The following ADGB variants were observed in gnomAD, a reference collection of about 807,000 sequenced individuals.
ADGB encodes androglobin, also known as calpain-7-like protein.
In ADGB, 172 loss-of-function variants were observed where a neutral mutation model predicts 210.5. That is an observed-to-expected ratio of 0.82 (90% CI 0.72 to 0.93). The LOEUF is 0.93. ADGB is among the 40% of genes least tolerant of loss of function. The pLI is 0.00. For missense variants in ADGB, 2,025 were observed against 1,964.8 expected (o/e 1.03, Z -0.58); for synonymous variants, 658 against 662.7 (o/e 0.99, Z 0.11).
rs148211496 is a variant in ADGB at position 146,737,176 on chromosome 6, T to C, written c.2888+585T>C. On this transcript the variant is annotated intron_variant, in intron 23 of 35. Coordinates refer to ENST00000397944, the MANE Select transcript of ADGB (RefSeq NM_024694.4). ...AAAAAACCTCTAAACATGACTGTTA[T>C]GAAAATGAGCAAGAAAATAAATAAT... 7.4e-3 allele frequency among the ~76,000 whole-genome samples: 1,120 copies of C among 151,672 alleles called. 18 individuals carry two copies. Among genetic ancestry groups the C allele is most frequent in the African/African-American group, 0.026 (1,085 of 41,418 alleles).
At chr6:146,808,816 T>C (rs1427764494) in intron 35 of ADGB, among the ~76,000 whole-genome samples, 1 of 152,086 alleles carries the variant, frequency 6.6e-6, no homozygotes, top group Non-Finnish European at 1.5e-5. Context: ...ATTTTTTTTT[T>C]GAGATGGAGT....
At chr6:146,677,794 A>G (rs867267595) in intron 9 of ADGB, among the ~76,000 whole-genome samples, 5 of 152,192 alleles carry the variant, frequency 3.3e-5, no homozygotes, top group Non-Finnish European at 5.9e-5. Flanking sequence ...GTGTATAAGT[A>G]TCAGGCAAGT....
intron 5 of ADGB, among the ~76,000 whole-genome samples, chr6:146,659,009 G>A (rs1444236212): frequency 2.6e-5 from 4 of 152,168 alleles, no homozygotes; most frequent in African/African-American, 9.7e-5. Context: ...TAGGCTTAGG[G>A]CAGAAATTTT....
At chr6:146,690,739 G>T (rs148939447) in intron 10 of ADGB, among the ~76,000 whole-genome samples, 7 of 152,228 alleles carry the variant, frequency 4.6e-5, no homozygotes, top group Admixed American at 2.0e-4. Context: ...AGGTAGCAAT[G>T]GCTAGTTTTT....
Position 146,667,785 on chromosome 6 carries a change from C to T in ADGB, c.839+883C>T, listed in dbSNP as rs7765010. Among the ~76,000 whole-genome samples the T allele has an allele frequency of 5.3e-3, 806 of 152,094 alleles. 5 individuals are homozygous for T. The highest frequency in any genetic ancestry group is 0.018 in the African/African-American group (752 of 41,512). On this transcript the variant is annotated intron_variant, in intron 7 of 35. Coordinates refer to ENST00000397944, the MANE Select transcript of ADGB (RefSeq NM_024694.4). ...TCATAAGAAGACAACTATTATGCAT[C>T]AAGTATTTTAGTATATTACTTCTCG...
intron 7 of ADGB, among the ~76,000 whole-genome samples, chr6:146,667,883 A>G (rs1775958500): frequency 6.6e-6 from 1 of 152,058 alleles, no homozygotes; most frequent in South Asian, 2.1e-4. Context: ...GGTGTACATC[A>G]TTTCAAATGA....
intron 1 of ADGB, among the ~76,000 whole-genome samples, chr6:146,612,313 AG>A (rs1441270554): frequency 1.3e-5 from 2 of 152,208 alleles, no homozygotes; most frequent in East Asian, 3.8e-4. Context: ...CTCATGTTCA[AG>A]TGGACAAATA....
chr6:146,627,869 ACT>A lies in ADGB; in HGVS notation c.75-7500_75-7499del, dbSNP rs367734492. 1.1e-3 allele frequency among the ~76,000 whole-genome samples: 161 copies of A among 151,232 alleles called. 1 individual carries two copies. The highest frequency in any genetic ancestry group is 3.7e-3 in the African/African-American group (153 of 41,146). ...GCCTGTGTTACCTTGCAATCTGAAAACTCTCTCAGGGCCATATGTTGTGGTCG... is the reference window on the plus strand; with the variant it reads ...GCCTGTGTTACCTTGCAATCTGAAAACTCTCAGGGCCATATGTTGTGGTCG... On this transcript the variant is annotated intron_variant, in intron 1 of 35. Transcript: ENST00000397944.
At chr6:146,778,635 T>G (rs945572906) in intron 29 of ADGB, among the ~76,000 whole-genome samples, 1 of 152,188 alleles carries the variant, frequency 6.6e-6, no homozygotes, top group African/African-American at 2.4e-5. Context: ...TCAATATTCA[T>G]TTTTCCTTCC....
At chr6:146,706,100 A>G (rs575432549) in intron 13 of ADGB, among the ~76,000 whole-genome samples, 6,943 of 151,974 alleles carry the variant, frequency 0.046, 185 homozygotes, top group South Asian at 0.064. Context: ...AATTTAAAAA[A>G]AAAAAATTAC....
intron 19 of ADGB, among the ~76,000 whole-genome samples, chr6:146,727,211 T>A (rs921419658): frequency 4.0e-5 from 6 of 151,398 alleles, no homozygotes; most frequent in Admixed American, 3.9e-4. Flanking sequence ...AGCACAACCT[T>A]GTATTGATGG....
intron 13 of ADGB, among the ~76,000 whole-genome samples, chr6:146,701,568 AT>A (rs1408947872): frequency 6.6e-6 from 1 of 151,896 alleles, no homozygotes; most frequent in African/African-American, 2.4e-5. Context: ...CGGTACCATG[AT>A]TTTTCTCAAA....
At chr6:146,669,512 C>A (rs1223456559) in intron 7 of ADGB, among the ~76,000 whole-genome samples, 1 of 152,072 alleles carries the variant, frequency 6.6e-6, no homozygotes, top group Non-Finnish European at 1.5e-5. Context: ...ATCCAGTGAT[C>A]ACCTCTCCTG....
intron 29 of ADGB, 98 bp from the exon 30 acceptor site, chr6:146,781,922 G>C (rs765269918): frequency 3.8e-4 from 320 of 840,110 alleles, no homozygotes; most frequent in South Asian, 4.7e-4. Flanking sequence ...AAATCTATTA[G>C]CTTAACCATA....
At chr6:146,747,539 A>G (rs1777257270) in intron 26 of ADGB, among the ~76,000 whole-genome samples, 1 of 152,052 alleles carries the variant, frequency 6.6e-6, no homozygotes, top group Non-Finnish European at 1.5e-5. Context: ...GAAACTCAAG[A>G]CATTGTTTTG....
At chr6:146,811,828 C>T (rs148900310) in intron 35 of ADGB, among the ~76,000 whole-genome samples, 1,547 of 152,024 alleles carry the variant, frequency 0.01, 7 homozygotes, top group African/African-American at 0.015. Flanking sequence ...TGTGCCACCA[C>T]GCCTGGCTAA....
chr6:146,802,922 C>T, intron 35 of ADGB: 1 of 1,610,508 alleles, frequency 6.2e-7, no homozygotes, highest in Non-Finnish European at 8.5e-7. Flanking sequence ...TTGAATATTT[C>T]CATCATTTAA....
chr6:146,720,346 T>G (rs1274833467), intron 16 of ADGB, among the ~76,000 whole-genome samples: 1 of 152,136 alleles, frequency 6.6e-6, no homozygotes, highest in Non-Finnish European at 1.5e-5. Context: ...CTAATTATAT[T>G]AAGTATTATT....
intron 22 of ADGB, among the ~76,000 whole-genome samples, chr6:146,735,068 A>G (rs1002739973): frequency 3.9e-5 from 6 of 152,106 alleles, no homozygotes; most frequent in African/African-American, 1.4e-4. Context: ...TAAAACATTT[A>G]ATGATAATAT....
Sources: allele counts gnomAD v4.1 joint callset (sites outside exome capture counted in the v4.1 genomes callset), GRCh38; gene constraint gnomAD v4.1.1; transcripts MANE v1.5; gene names NCBI Gene and HGNC (gene_info 2026-07-23, HGNC 2026-07-21).